MXD1: variants seen among roughly 807,000 people sequenced by gnomAD.
MXD1 encodes the protein MAX dimerization protein 1.
A neutral mutation model predicts 25.7 loss-of-function variants in MXD1; 9 were observed. The observed-to-expected ratio is 0.35, with a 90% CI of 0.21 to 0.61. The LOEUF is 0.61. Ranked by LOEUF, MXD1 falls within the 20% of genes least tolerant of loss-of-function variation. The probability of loss-of-function intolerance (pLI) is 0.75; values close to 1 mark genes in which losing one functional copy is unlikely to be tolerated. For synonymous variants in MXD1, 99 were observed against 113.9 expected (o/e 0.87, Z 0.83); for missense variants, 227 against 292.4 (o/e 0.78, Z 1.63).
Position 69,915,970 on chromosome 2 carries a change from A to T in MXD1, c.74-151A>T. 2 of 644,498 alleles carry T rather than the reference A, an allele frequency of 3.1e-6. No individual in the cohort carries two copies. The highest frequency in any genetic ancestry group is 2.9e-5 in the Admixed American group (1 of 34,180). 39.9% of individuals were successfully genotyped at this position (644,498 alleles called of 1,614,324 possible). On this transcript the variant is annotated intron_variant, in intron 1 of 5. Coordinates refer to ENST00000264444, the MANE Select transcript of MXD1 (RefSeq NM_002357.4). This position sits in a 1 kb window ranked among gnomAD's most constrained non-coding sequence, Gnocchi z 5.8. Reference sequence around the variant, plus strand: ...ACGATATTCACACAATTTTTTTTTAAATCATTGTTCTCAGAATTCCACCTT... The same window carrying T: ...ACGATATTCACACAATTTTTTTTTATATCATTGTTCTCAGAATTCCACCTT...
chr2:69,942,508 A>G lies in MXD1; in HGVS notation c.*4224A>G, dbSNP rs1207820668. On this transcript the variant is annotated 3_prime_UTR_variant, in exon 6 of 6. Transcript: ENST00000264444. ...TCAAAATCATAAAGTGAGAATTCAT[A>G]AGGCACCCAATGTTAAGATTTATCC... The G allele has an allele frequency of 2.6e-5, 4 of 152,202 alleles. No individual in the cohort carries two copies. The highest frequency in any genetic ancestry group is 2.6e-4 in the Admixed American group (4 of 15,284). 9.4% of individuals were successfully genotyped at this position (152,202 alleles called of 1,614,324 possible). A position where few individuals can be genotyped will look rare whatever the true frequency, so the allele number is the denominator to read the frequency against.
chr2:69,937,333 G>C lies in MXD1; in HGVS notation c.417G>C (p.Glu139Asp). ...GGCAGCTGGAGAAGCTGGGCATTGA[G>C]AGGATCCGGATGGACAGCATCGGCT... ...LKRQLEKLGI[E>D]RIRMDSIGST... Residue 139 changes from glutamate to aspartate, a missense_variant, in exon 5 of 6, where the codon GAG (glutamate) becomes GAC (aspartate). Transcript: ENST00000264444. 6.2e-7 allele frequency: 1 copy of C among 1,614,174 alleles called. No homozygotes were observed. The highest frequency in any genetic ancestry group is 8.5e-7 in the Non-Finnish European group (1 of 1,180,024).
At chr2:69,921,686 T>C in intron 2 of MXD1, 50 bp from the exon 3 acceptor site, 1 of 1,549,488 alleles carries the variant, frequency 6.5e-7, no homozygotes, top group African/African-American at 1.4e-5. Flanking sequence ...GTTGAAGTAG[T>C]TCTTTAAGAC....
rs1573397024 is a variant in MXD1 at position 69,915,133 on chromosome 2, T to C, written c.-198T>C. 4.8e-6 allele frequency: 2 copies of C among 415,740 alleles called. No homozygotes were observed. Among genetic ancestry groups the C allele is most frequent in the Non-Finnish European group, 8.4e-6 (2 of 239,422 alleles). The allele number at this position is 415,740 out of a possible 1,614,324, so 25.8% of individuals were successfully genotyped here. A position where few individuals can be genotyped will look rare whatever the true frequency, so the allele number is the denominator to read the frequency against. On this transcript the variant is annotated 5_prime_UTR_variant, in exon 1 of 6. Transcript: ENST00000264444. This position sits in a 1 kb window ranked among gnomAD's most constrained non-coding sequence, Gnocchi z 5.8. ...TGCTCTGCTCCGGGTTCTGTCACTGTGTCGGCGGTGCCCAGCTCACTGGCC... is the reference window on the plus strand; with the variant it reads ...TGCTCTGCTCCGGGTTCTGTCACTGCGTCGGCGGTGCCCAGCTCACTGGCC...
rs754613344 is a variant in MXD1 at position 69,938,203 on chromosome 2, C to T, written c.585C>T (p.Leu195=). The stretch of plus-strand genomic sequence containing the variant: ...ACGAGCGGGGCAGCATGCAGAGCCT[C>T]GGCAGTGATGAGGGCTATTCCAGCA... ...DSDERGSMQS[L]GSDEGYSSTS... Residue 195 remains leucine, a synonymous_variant, in exon 6 of 6, where the codon CTC becomes CTT. Coordinates refer to ENST00000264444, the MANE Select transcript of MXD1 (RefSeq NM_002357.4). The T allele has an allele frequency of 4.6e-5, 74 of 1,614,046 alleles. No individual in the cohort carries two copies. The highest frequency in any genetic ancestry group is 5.3e-5 in the Non-Finnish European group (62 of 1,180,034).
At position 69,915,254 on chromosome 2, in the gene MXD1, C is replaced by T. The variant is rs1050568137; in HGVS notation, c.-77C>T. 7 of 1,243,804 alleles carry T rather than the reference C, an allele frequency of 5.6e-6. No homozygotes were observed. Among genetic ancestry groups the T allele is most frequent in the Non-Finnish European group, 6.2e-6 (6 of 970,566 alleles). 77.0% of individuals were successfully genotyped at this position (1,243,804 alleles called of 1,614,324 possible). On this transcript the variant is annotated 5_prime_UTR_variant, in exon 1 of 6. Transcript: ENST00000264444. This position sits in a 1 kb window ranked among gnomAD's most constrained non-coding sequence, Gnocchi z 5.8. ...GCTCCACAGCGGGCTCCATAGCGGG[C>T]TCCACAGCGGTCCGGCGGCGGCAGC... is the stretch of plus-strand genomic sequence containing the variant.
At chr2:69,937,155 G>C in intron 4 of MXD1, 80 bp from the exon 5 acceptor site, 1 of 1,569,182 alleles carries the variant, frequency 6.4e-7, no homozygotes, top group Non-Finnish European at 8.8e-7. Flanking sequence ...GCATTCCACT[G>C]CTAGAAGGGA....
chr2:69,924,105 C>T (rs1677125568), intron 3 of MXD1, among the ~76,000 whole-genome samples: 1 of 152,094 alleles, frequency 6.6e-6, no homozygotes, highest in Non-Finnish European at 1.5e-5. Context: ...GTATTAAATG[C>T]GTTCATAGTA....
At chr2:69,934,459 C>T (rs906773959) in intron 3 of MXD1, among the ~76,000 whole-genome samples, 1 of 152,196 alleles carries the variant, frequency 6.6e-6, no homozygotes, top group Non-Finnish European at 1.5e-5. Flanking sequence ...TCCAGCCCTT[C>T]TCCCTCTCCC....
At chr2:69,921,920 A>G (rs1677071497) in intron 3 of MXD1, among the ~76,000 whole-genome samples, 155 bp downstream of exon 3, 1 of 152,268 alleles carries the variant, frequency 6.6e-6, no homozygotes, top group South Asian at 2.1e-4. Context: ...CTCATAAATT[A>G]CTTAGGTAGA....
intron 2 of MXD1, among the ~76,000 whole-genome samples, chr2:69,920,617 G>T (rs927621424): frequency 2.0e-5 from 3 of 152,136 alleles, no homozygotes; most frequent in African/African-American, 7.2e-5. Context: ...CTCCATGATT[G>T]CTGTGAGAAT....
At chr2:69,924,748 C>G (rs1331920783) in intron 3 of MXD1, among the ~76,000 whole-genome samples, 1 of 38,502 alleles carries the variant, frequency 2.6e-5, no homozygotes, top group Non-Finnish European at 4.4e-5. Context: ...TGCCATGGCT[C>G]TCAAAAAAAA....
Position 69,938,461 on chromosome 2 carries a change from C to T in MXD1, c.*177C>T, listed in dbSNP as rs1284238511. 5.0e-6 allele frequency: 3 copies of T among 602,644 alleles called. No homozygotes were observed. The highest frequency in any genetic ancestry group is 2.1e-5 in the South Asian group (1 of 46,648). The allele number at this position is 602,644 out of a possible 1,614,324, so 37.3% of individuals were successfully genotyped here. On this transcript the variant is annotated 3_prime_UTR_variant, in exon 6 of 6. Coordinates refer to ENST00000264444, the MANE Select transcript of MXD1 (RefSeq NM_002357.4). Reference sequence around the variant, plus strand: ...TAGGATTGTGGGTTTCTGATTGCATCCACTAGCTTCTCTTTTTCTCGCCAT... The same window carrying T: ...TAGGATTGTGGGTTTCTGATTGCATTCACTAGCTTCTCTTTTTCTCGCCAT...
At chr2:69,931,428 C>T (rs566089418) in intron 3 of MXD1, among the ~76,000 whole-genome samples, 8 of 151,932 alleles carry the variant, frequency 5.3e-5, no homozygotes, top group Admixed American at 2.6e-4. Flanking sequence ...GAATATGCAA[C>T]GTTTGTCTTT....
rs1425585602 is a variant in MXD1 at position 69,942,568 on chromosome 2, G to T, written c.*4284G>T. 6.6e-6 allele frequency: 1 copy of T among 152,166 alleles called. No individual in the cohort carries two copies. The highest frequency in any genetic ancestry group is 2.4e-5 in the African/African-American group (1 of 41,414). 9.4% of individuals were successfully genotyped at this position (152,166 alleles called of 1,614,324 possible). ...CATTTTGATTTCTTCTCTCTGTGGG[G>T]TGGCAAGTTGAGGGAGCATTCTTCA... On this transcript the variant is annotated 3_prime_UTR_variant, in exon 6 of 6. Transcript: ENST00000264444.
chr2:69,940,236 T>TGGC lies in MXD1; in HGVS notation c.*1952_*1953insGGC, dbSNP rs1677565257. 1 of 152,154 alleles carries TGGC rather than the reference T, an allele frequency of 6.6e-6. No homozygotes were observed. The highest frequency in any genetic ancestry group is 2.4e-5 in the African/African-American group (1 of 41,418). 9.4% of individuals were successfully genotyped at this position (152,154 alleles called of 1,614,324 possible). A position where few individuals can be genotyped will look rare whatever the true frequency, so the allele number is the denominator to read the frequency against. ...AATACAACTTGTATGCCTTTTGCAT[T>TGGC]TTTAAAGCCTGCTTCCTGGATTTAA... On this transcript the variant is annotated 3_prime_UTR_variant, in exon 6 of 6. Coordinates refer to ENST00000264444, the MANE Select transcript of MXD1 (RefSeq NM_002357.4).
intron 3 of MXD1, among the ~76,000 whole-genome samples, chr2:69,926,720 A>G (rs1677178500): frequency 6.6e-6 from 1 of 152,200 alleles, no homozygotes; most frequent in African/African-American, 2.4e-5. Context: ...TTTTGTTGTT[A>G]CATACCCTTT....
Position 69,936,480 on chromosome 2 carries a change from CCT to C in MXD1, c.319-754_319-753del, listed in dbSNP as rs1470370614. On this transcript the variant is annotated intron_variant, in intron 4 of 5. Coordinates refer to ENST00000264444, the MANE Select transcript of MXD1 (RefSeq NM_002357.4). ...AGTCTTGAGAGCCACAGCCAAAATC[CCT>C]GTTTAGCATGTTTGTATAATCATAT... Among the ~76,000 whole-genome samples, 3 of 152,192 alleles carry C rather than the reference CCT, an allele frequency of 2.0e-5. No individual in the cohort carries two copies. The South Asian group carries it at 6.2e-4, about 32-fold the overall frequency.
chr2:69,930,804 A>C (rs957938328), intron 3 of MXD1, among the ~76,000 whole-genome samples: 4 of 152,208 alleles, frequency 2.6e-5, no homozygotes, highest in African/African-American at 9.7e-5. Flanking sequence ...TAGGATTGAA[A>C]GAATAACTGC....
Sources: gnomAD v4.1 joint callset for allele counts (sites outside exome capture counted in the v4.1 genomes callset) on GRCh38, gnomAD v4.1.1 for gene constraint, Gnocchi (gnomAD v3.1) non-coding constraint, MANE v1.5 for transcripts, NCBI Gene and HGNC (gene_info 2026-07-23, HGNC 2026-07-21) for gene names.